The following PTPRD variants were observed in gnomAD, a reference collection of about 807,000 sequenced individuals.
PTPRD encodes protein tyrosine phosphatase receptor type D, also known as receptor-type tyrosine-protein phosphatase delta.
In PTPRD, 34 loss-of-function variants were observed where a neutral mutation model predicts 214.5. The observed-to-expected ratio is 0.16, with a 90% confidence interval of 0.12 to 0.21. The LOEUF is 0.21. PTPRD is among the 10% of genes least tolerant of loss of function. PTPRD has a pLI of 1.00. For synonymous variants in PTPRD, 1,128 were observed against 845.7 expected, an observed-to-expected ratio of 1.33 and a Z score of -5.79; for missense variants, 2,545 against 2,398.7, an observed-to-expected ratio of 1.06 and a Z score of -1.27.
chr9:9,185,586 G>A (rs566355878), intron 9 of PTPRD, among the ~76,000 whole-genome samples: 1 of 152,148 alleles, frequency 6.6e-6, no homozygotes, highest in South Asian at 2.1e-4. Flanking sequence ...CAGATCTCCT[G>A]GCTTCCTTTC....
chr9:10,050,758 C>CTTATT (rs1057489887), intron 3 of PTPRD, among the ~76,000 whole-genome samples: 1 of 151,680 alleles, frequency 6.6e-6, no homozygotes, highest in Non-Finnish European at 1.5e-5. Flanking sequence ...ATATCCTTAC[C>CTTATT]TTATTTTATT....
At chr9:9,135,904 C>T (rs2099850083) in intron 10 of PTPRD, among the ~76,000 whole-genome samples, 1 of 148,782 alleles carries the variant, frequency 6.7e-6, no homozygotes, top group African/African-American at 2.5e-5. Context: ...TTGGAATAAG[C>T]TCATTAGTTT....
At chr9:9,620,297 C>A (rs1418053354) in intron 7 of PTPRD, among the ~76,000 whole-genome samples, 1 of 152,112 alleles carries the variant, frequency 6.6e-6, no homozygotes, top group Non-Finnish European at 1.5e-5. Flanking sequence ...CTGTAAGTCC[C>A]ATGAAGGTAA....
chr9:9,837,985 C>T (rs183330331), intron 5 of PTPRD, among the ~76,000 whole-genome samples: 24 of 152,118 alleles, frequency 1.6e-4, no homozygotes, highest in African/African-American at 5.5e-4. Context: ...GTTCTCATTG[C>T]TCAATTCCCA....
At chr9:8,703,730 T>G (rs917997500) in intron 12 of PTPRD, among the ~76,000 whole-genome samples, 2 of 152,242 alleles carry the variant, frequency 1.3e-5, no homozygotes, top group African/African-American at 4.8e-5. Flanking sequence ...CCCGTGGCTC[T>G]GTCACCATTT....
intron 14 of PTPRD, among the ~76,000 whole-genome samples, chr9:8,561,751 A>ATTT (rs35530419): frequency 2.3e-4 from 33 of 145,004 alleles, no homozygotes; most frequent in African/African-American, 7.5e-4. Flanking sequence ...GGATCCTTGG[A>ATTT]TTTTTTTTTT....
intron 10 of PTPRD, among the ~76,000 whole-genome samples, chr9:9,037,503 A>G (rs1485446585): frequency 1.3e-5 from 2 of 152,132 alleles, no homozygotes; most frequent in African/African-American, 4.8e-5. Flanking sequence ...TTGCTCTAGG[A>G]CAGAGCACGA....
At chr9:9,921,848 C>A (rs1186548032) in intron 5 of PTPRD, among the ~76,000 whole-genome samples, 1 of 151,714 alleles carries the variant, frequency 6.6e-6, no homozygotes, top group Non-Finnish European at 1.5e-5. Flanking sequence ...ATTTAGCAAC[C>A]ATAACATTCC....
chr9:10,326,089 A>C (rs2096638147), intron 3 of PTPRD, among the ~76,000 whole-genome samples: 1 of 151,786 alleles, frequency 6.6e-6, no homozygotes, highest in Non-Finnish European at 1.5e-5. Context: ...TTATATAAAT[A>C]TATTCACTTC....
rs147396269 is a variant in PTPRD, at chr9:9,647,696, G to A, written c.-286-72915C>T. Among the ~76,000 whole-genome samples, 970 of 152,266 alleles carry A rather than the reference G, an allele frequency of 6.4e-3. 8 individuals carry two copies. Among genetic ancestry groups the A allele is most frequent in the African/African-American group, 0.023 (937 of 41,560 alleles). On this transcript the variant is annotated intron_variant, in intron 7 of 45. Transcript: ENST00000381196. The stretch of plus-strand genomic sequence containing the variant: ...AGACATTGCAAACTCTCTGAGCAAT[G>A]TTCTAATTTCTTGTTCAGCCTTATT...
At chr9:10,263,969 C>T (rs2093875877) in intron 3 of PTPRD, among the ~76,000 whole-genome samples, 1 of 152,142 alleles carries the variant, frequency 6.6e-6, no homozygotes, top group African/African-American at 2.4e-5. Flanking sequence ...AGGTACAGCT[C>T]AGGGCATGGC....
intron 2 of PTPRD, among the ~76,000 whole-genome samples, chr9:10,580,421 C>A (rs931503430): frequency 1.3e-5 from 2 of 152,158 alleles, no homozygotes; most frequent in African/African-American, 4.8e-5. Context: ...TGTGCCTAGG[C>A]ACATATGTGA....
intron 10 of PTPRD, among the ~76,000 whole-genome samples, chr9:9,111,168 G>C (rs941069744): frequency 6.8e-6 from 1 of 147,710 alleles, no homozygotes; most frequent in African/African-American, 2.5e-5. Context: ...AAAGTGAGGT[G>C]AAGCTGAGTT....
At chr9:10,574,152 T>A (rs1259851359) in intron 2 of PTPRD, among the ~76,000 whole-genome samples, 3 of 152,116 alleles carry the variant, frequency 2.0e-5, no homozygotes, top group Non-Finnish European at 2.9e-5. Flanking sequence ...ACAATGATTT[T>A]GTAACTACCT....
At chr9:9,167,485 T>G (rs1176493368) in intron 10 of PTPRD, among the ~76,000 whole-genome samples, 1 of 152,090 alleles carries the variant, frequency 6.6e-6, no homozygotes, top group Non-Finnish European at 1.5e-5. Flanking sequence ...CTGGGCATGG[T>G]GGCTCACAAC....
At chr9:10,090,949 CACACACACACAT>C (rs2098422638) in intron 3 of PTPRD, among the ~76,000 whole-genome samples, 11 of 148,852 alleles carry the variant, frequency 7.4e-5, no homozygotes, top group Non-Finnish European at 1.2e-4. Flanking sequence ...CACACACACA[CACACACACACAT>C]GCATGTGGTA....
chr9:10,331,202 C>T (rs967096735), intron 3 of PTPRD, among the ~76,000 whole-genome samples: 14 of 151,850 alleles, frequency 9.2e-5, no homozygotes, highest in African/African-American at 3.4e-4. Context: ...CAAATACTGC[C>T]TAACGCAGAT....
intron 6 of PTPRD, among the ~76,000 whole-genome samples, chr9:9,746,997 A>T: frequency 6.6e-6 from 1 of 152,198 alleles, no homozygotes; most frequent in East Asian, 1.9e-4. Context: ...TTAACATGTT[A>T]AACAGTTAAA....
intron 8 of PTPRD, among the ~76,000 whole-genome samples, chr9:9,528,938 C>CTTT (rs112564567): frequency 3.7e-5 from 5 of 136,696 alleles, no homozygotes; most frequent in South Asian, 2.4e-4. Flanking sequence ...TTGTTTGTTT[C>CTTT]TTTTTTTTTT....
Sources: allele counts gnomAD v4.1 joint callset (sites outside exome capture counted in the v4.1 genomes callset), GRCh38; gene constraint gnomAD v4.1.1; transcripts MANE v1.5; gene names NCBI Gene and HGNC (gene_info 2026-07-23, HGNC 2026-07-21).